The following PDZRN4 variants were observed in gnomAD, a reference collection of about 807,000 sequenced individuals.
PDZRN4 encodes PDZ domain containing ring finger 4.
In PDZRN4, 70 loss-of-function variants were observed where a neutral mutation model predicts 99.0. The observed-to-expected ratio is 0.71, with a 90% CI of 0.58 to 0.86. PDZRN4 has a LOEUF of 0.86. Among genes scored for constraint, PDZRN4 ranks in the 40% least tolerant of loss-of-function variants. The pLI is 0.00. For synonymous variants in PDZRN4, 551 were observed against 501.6 expected (o/e 1.10, Z -1.32); for missense variants, 1,474 against 1,331.2 (o/e 1.11, Z -1.67).
chr12:41,458,640 T>C (rs952317429), intron 3 of PDZRN4, among the ~76,000 whole-genome samples: 1 of 152,186 alleles, frequency 6.6e-6, no homozygotes, highest in Non-Finnish European at 1.5e-5. Context: ...TTTGCACGGC[T>C]AAATTCTGGG....
intron 3 of PDZRN4, among the ~76,000 whole-genome samples, chr12:41,450,749 A>G (rs1952767752): frequency 1.3e-5 from 2 of 152,126 alleles, no homozygotes; most frequent in East Asian, 1.9e-4. Flanking sequence ...TAGTAAAACC[A>G]TCTCTACTAA....
intron 5 of PDZRN4, among the ~76,000 whole-genome samples, chr12:41,546,405 A>C (rs1420970943): frequency 6.6e-6 from 1 of 152,200 alleles, no homozygotes; most frequent in South Asian, 2.1e-4. Flanking sequence ...TTGGTTATCA[A>C]AATACTCGTA....
chr12:41,405,750 T>A (rs570779068), intron 3 of PDZRN4, among the ~76,000 whole-genome samples: 1 of 152,268 alleles, frequency 6.6e-6, no homozygotes, highest in South Asian at 2.1e-4. Context: ...CTATACACCA[T>A]GGAATACTAC....
At chr12:41,567,969 T>C in intron 9 of PDZRN4, 70 bp downstream of exon 9, 3 of 891,696 alleles carry the variant, frequency 3.4e-6, no homozygotes, top group Non-Finnish European at 1.7e-6. Context: ...TAACCATAAA[T>C]GAAGATGAAA....
chr12:41,197,939 G>A (rs1197086857), intron 3 of PDZRN4, among the ~76,000 whole-genome samples: 2 of 17,890 alleles, frequency 1.1e-4, no homozygotes, highest in Non-Finnish European at 2.3e-4. Flanking sequence ...TTTGGAGACA[G>A]GATCTTGCTC....
At chr12:41,218,736 T>C (rs181516876) in intron 3 of PDZRN4, among the ~76,000 whole-genome samples, 15 of 152,240 alleles carry the variant, frequency 9.9e-5, no homozygotes, top group Admixed American at 9.2e-4. Context: ...GATTAAAGTA[T>C]GTTCAAATAT....
intron 3 of PDZRN4, among the ~76,000 whole-genome samples, chr12:41,212,817 T>C (rs1015219427): frequency 6.6e-6 from 1 of 152,048 alleles, no homozygotes; most frequent in African/African-American, 2.4e-5. Flanking sequence ...GAAACATGAC[T>C]AAGTGTTAGC....
intron 3 of PDZRN4, among the ~76,000 whole-genome samples, chr12:41,393,398 T>A (rs774941551): frequency 9.2e-5 from 14 of 152,126 alleles, no homozygotes; most frequent in Non-Finnish European, 1.5e-4. Flanking sequence ...CAAGTACATA[T>A]TTAAAAAACT....
intron 3 of PDZRN4, among the ~76,000 whole-genome samples, chr12:41,282,076 G>A (rs2217492): frequency 1.7e-4 from 26 of 152,052 alleles, no homozygotes; most frequent in African/African-American, 6.3e-4. Flanking sequence ...GCAAAGACTG[G>A]CAAATTCGAT....
intron 3 of PDZRN4, among the ~76,000 whole-genome samples, chr12:41,451,379 C>T (rs1319136655): frequency 1.3e-5 from 2 of 152,132 alleles, no homozygotes; most frequent in South Asian, 2.1e-4. Context: ...GAGTCTGTGA[C>T]TGCACATTTT....
chr12:41,199,555 T>C (rs1386067707), intron 3 of PDZRN4, among the ~76,000 whole-genome samples: 1 of 152,102 alleles, frequency 6.6e-6, no homozygotes, highest in Non-Finnish European at 1.5e-5. Flanking sequence ...ACACCTGCAG[T>C]TGTATGTTTA....
At chr12:41,249,676 T>G (rs1429241772) in intron 3 of PDZRN4, among the ~76,000 whole-genome samples, 1 of 152,206 alleles carries the variant, frequency 6.6e-6, no homozygotes, top group Non-Finnish European at 1.5e-5. Flanking sequence ...TTTATCATCA[T>G]CCAAGAGTGC....
intron 3 of PDZRN4, among the ~76,000 whole-genome samples, chr12:41,264,637 A>T (rs968811873): frequency 9.9e-5 from 15 of 152,196 alleles, no homozygotes; most frequent in African/African-American, 3.4e-4. Flanking sequence ...GCTGAATTTT[A>T]ATCTTTTATT....
intron 5 of PDZRN4, among the ~76,000 whole-genome samples, chr12:41,551,571 T>C (rs926328404): frequency 2.0e-4 from 31 of 152,136 alleles, no homozygotes; most frequent in African/African-American, 7.2e-4. Context: ...AGCTAGTTGT[T>C]ACTGAGTGCC....
At chr12:41,189,654 C>T (rs1156770379) in intron 1 of PDZRN4, among the ~76,000 whole-genome samples, 5 of 152,148 alleles carry the variant, frequency 3.3e-5, no homozygotes, top group Non-Finnish European at 5.9e-5. Context: ...GACTGTGAGG[C>T]ACGTTGGGGC....
intron 3 of PDZRN4, among the ~76,000 whole-genome samples, chr12:41,342,707 A>T (rs1257829286): frequency 2.0e-5 from 3 of 151,952 alleles, no homozygotes; most frequent in South Asian, 2.1e-4. Flanking sequence ...ACCAAAGAAA[A>T]TATATATTGG....
At chr12:41,338,729 A>G (rs141397811) in intron 3 of PDZRN4, among the ~76,000 whole-genome samples, 30 of 152,154 alleles carry the variant, frequency 2.0e-4, no homozygotes, top group African/African-American at 7.0e-4. Flanking sequence ...CTTAAGACAC[A>G]TACAAGCTAC....
chr12:41,484,640 A>G (rs1300223427), intron 3 of PDZRN4, among the ~76,000 whole-genome samples: 1 of 152,126 alleles, frequency 6.6e-6, no homozygotes, highest in Non-Finnish European at 1.5e-5. Context: ...CTATATTTCC[A>G]TCTCACCTCA....
intron 6 of PDZRN4, among the ~76,000 whole-genome samples, chr12:41,552,987 A>G (rs909917567): frequency 2.0e-5 from 3 of 152,218 alleles, no homozygotes; most frequent in African/African-American, 7.2e-5. Context: ...CAGCAAGGAA[A>G]AGTGCAAAAG....
Sources: gnomAD v4.1 joint callset for allele counts (sites outside exome capture counted in the v4.1 genomes callset) on GRCh38, gnomAD v4.1.1 for gene constraint, MANE v1.5 for transcripts, NCBI Gene and HGNC (gene_info 2026-07-23, HGNC 2026-07-21) for gene names.